SHISA6: variants seen among roughly 807,000 people sequenced by gnomAD.
SHISA6 encodes shisa family member 6.
In SHISA6, 22 loss-of-function variants were observed where a neutral mutation model predicts 47.9. The ratio of observed to expected loss-of-function variants is 0.46; its 90% confidence interval spans 0.33 to 0.66. The LOEUF is 0.66. SHISA6 is among the 30% of genes least tolerant of loss of function. The pLI is 0.02. For synonymous variants in SHISA6, 388 were observed against 337.8 expected (o/e 1.15, Z -1.63); for missense variants, 680 against 764.6 (o/e 0.89, Z 1.30).
intron 2 of SHISA6, among the ~76,000 whole-genome samples, chr17:11,377,987 G>A (rs775581727): frequency 6.6e-6 from 1 of 152,116 alleles, no homozygotes; most frequent in African/African-American, 2.4e-5. Flanking sequence ...TTGCTGTACC[G>A]GTCAACCCGT....
intron 3 of SHISA6, among the ~76,000 whole-genome samples, chr17:11,451,810 C>T (rs1173541600): frequency 6.6e-6 from 1 of 152,230 alleles, no homozygotes; most frequent in Non-Finnish European, 1.5e-5. Flanking sequence ...GCTGCCTGTG[C>T]TGTCATGAGC....
At chr17:11,356,419 TACTC>T (rs1912081604) in intron 2 of SHISA6, among the ~76,000 whole-genome samples, 1 of 152,174 alleles carries the variant, frequency 6.6e-6, no homozygotes, top group African/African-American at 2.4e-5. Flanking sequence ...CAGATGCAAT[TACTC>T]TCTCCCCAGT....
At chr17:11,384,356 A>T (rs1913126207) in intron 3 of SHISA6, among the ~76,000 whole-genome samples, 1 of 152,228 alleles carries the variant, frequency 6.6e-6, no homozygotes, top group Non-Finnish European at 1.5e-5. Flanking sequence ...GGAAGTCATA[A>T]AAAAGATAAG....
In SHISA6 at chr17:11,440,460, C is replaced by T. The variant is rs574217886; in HGVS notation, c.895+60951C>T. ...ATTTTTGCTGCATCTGGCCTTGCCC[C>T]GGGAGTGAATGAAGAACCAGGGGAG... On this transcript the variant is annotated intron_variant, in intron 3 of 5. Transcript: ENST00000441885. 6.0e-3 allele frequency among the ~76,000 whole-genome samples: 911 copies of T among 151,794 alleles called. 5 individuals carry two copies. Among genetic ancestry groups the T allele is most frequent in the Middle Eastern group, 0.014 (4 of 294 alleles).
At chr17:11,350,728 A>C (rs917595364) in intron 2 of SHISA6, among the ~76,000 whole-genome samples, 4 of 152,046 alleles carry the variant, frequency 2.6e-5, no homozygotes, top group Non-Finnish European at 5.9e-5. Context: ...CTAGTATATA[A>C]ATCTGGTCAT....
intron 3 of SHISA6, among the ~76,000 whole-genome samples, chr17:11,394,081 C>T (rs1243132929): frequency 6.6e-6 from 1 of 152,112 alleles, no homozygotes; most frequent in Non-Finnish European, 1.5e-5. Context: ...GCTGTCTTGC[C>T]TAATGCCTGT....
chr17:11,421,062 T>G (rs1914440879), intron 3 of SHISA6, among the ~76,000 whole-genome samples: 1 of 152,212 alleles, frequency 6.6e-6, no homozygotes, highest in Admixed American at 6.5e-5. Flanking sequence ...CTCCTAGACC[T>G]TTCACCATTT....
chr17:11,463,382 T>C (rs553158620), intron 3 of SHISA6, among the ~76,000 whole-genome samples: 7 of 152,192 alleles, frequency 4.6e-5, no homozygotes, highest in Non-Finnish European at 8.8e-5. Context: ...TTTATGAATC[T>C]TTTAAAAGGT....
At chr17:11,282,743 C>CT in intron 2 of SHISA6, among the ~76,000 whole-genome samples, 1 of 152,306 alleles carries the variant, frequency 6.6e-6, no homozygotes, top group Non-Finnish European at 1.5e-5. Context: ...ACTGCATATT[C>CT]ACCATTGTAA....
At chr17:11,242,133 T>C in intron 1 of SHISA6, 73 bp downstream of exon 1, 1 of 1,533,178 alleles carries the variant, frequency 6.5e-7, no homozygotes, top group Admixed American at 2.0e-5. Flanking sequence ...CCCTGTCCTC[T>C]TCACTCTCGG....
intron 3 of SHISA6, among the ~76,000 whole-genome samples, chr17:11,445,210 CT>C (rs1360601186): frequency 6.6e-6 from 1 of 152,076 alleles, no homozygotes; most frequent in Admixed American, 6.6e-5. Context: ...TTTTCGGCTT[CT>C]TTTATGAGGG....
In SHISA6 at chr17:11,458,869, C is replaced by G. The variant is rs566912941; in HGVS notation, c.895+79360C>G. Among the ~76,000 whole-genome samples the G allele has an allele frequency of 3.2e-3, 480 of 152,190 alleles. 2 individuals are homozygous for G. Among genetic ancestry groups the G allele is most frequent in the African/African-American group, 0.011 (459 of 41,512 alleles). ...AAACAGGCATAATCCCGGCCTGTTC[C>G]CATCGTTGGGTAGTTGTGAGAATTA... On this transcript the variant is annotated intron_variant, in intron 3 of 5. Coordinates refer to ENST00000441885, the MANE Select transcript of SHISA6 (RefSeq NM_207386.4).
At chr17:11,403,728 T>G (rs909513745) in intron 3 of SHISA6, among the ~76,000 whole-genome samples, 25 of 152,234 alleles carry the variant, frequency 1.6e-4, no homozygotes, top group Admixed American at 1.2e-3. Context: ...CGTGGTTGAC[T>G]ACCCCTGTAG....
intron 3 of SHISA6, among the ~76,000 whole-genome samples, chr17:11,493,557 C>T (rs914656005): frequency 5.4e-5 from 8 of 147,770 alleles, no homozygotes; most frequent in Admixed American, 3.4e-4. Flanking sequence ...TTTTTTGGTA[C>T]CATGTGGATA....
Position 11,440,627 on chromosome 17 carries a change from C to G in SHISA6, c.895+61118C>G, listed in dbSNP as rs538608742. Among the ~76,000 whole-genome samples the G allele has an allele frequency of 1.2e-3, 170 of 147,166 alleles. 2 individuals carry two copies. The highest frequency in any genetic ancestry group is 1.8e-3 in the African/African-American group (75 of 40,592). ...GTTTGCTCATCTACATTGGATGATC[C>G]ATCATCCAATGTAGATGAGCAAACG... is the stretch of plus-strand genomic sequence containing the variant. On this transcript the variant is annotated intron_variant, in intron 3 of 5. Transcript: ENST00000441885.
chr17:11,369,882 GC>G (rs922989221), intron 2 of SHISA6, among the ~76,000 whole-genome samples: 1 of 152,198 alleles, frequency 6.6e-6, no homozygotes, highest in Non-Finnish European at 1.5e-5. Flanking sequence ...ATAGAACTCA[GC>G]CTTTTGCGTT....
At chr17:11,253,311 G>GTT (rs5819309) in intron 1 of SHISA6, among the ~76,000 whole-genome samples, 3 of 144,856 alleles carry the variant, frequency 2.1e-5, no homozygotes, top group African/African-American at 7.6e-5. Context: ...CCTGGGCAAA[G>GTT]TTTTTTTTTT....
chr17:11,358,269 A>G (rs917454277), intron 2 of SHISA6, among the ~76,000 whole-genome samples: 1 of 152,126 alleles, frequency 6.6e-6, no homozygotes, highest in Admixed American at 6.5e-5. Flanking sequence ...TAGGTACCTC[A>G]TATAAATGGA....
Position 11,551,971 on chromosome 17 carries a change from C to A in SHISA6, c.952+19C>A. 6.4e-7 allele frequency: 1 copy of A among 1,550,866 alleles called. No homozygotes were observed. Among genetic ancestry groups the A allele is most frequent in the Non-Finnish European group, 8.7e-7 (1 of 1,146,270 alleles). On this transcript the variant is annotated intron_variant, in intron 4 of 5. Transcript: ENST00000441885. ...CCACATGGTGAGAGATGATTGAGAG[C>A]ACTCTGCATTTCCTCCTTATTTCGA...
Sources: gnomAD v4.1 joint callset for allele counts (sites outside exome capture counted in the v4.1 genomes callset) on GRCh38, gnomAD v4.1.1 for gene constraint, MANE v1.5 for transcripts, NCBI Gene and HGNC (gene_info 2026-07-23, HGNC 2026-07-21) for gene names.